The following PPM1F variants were observed in gnomAD, a reference collection of about 807,000 sequenced individuals.
The protein encoded by PPM1F is protein phosphatase 1F.
In PPM1F, 17 loss-of-function variants were observed where a neutral mutation model predicts 35.5. That is an observed-to-expected ratio of 0.48 (90% CI 0.33 to 0.72). The LOEUF (loss-of-function observed/expected upper bound fraction) is 0.72. Ranked by LOEUF, PPM1F falls within the 30% of genes least tolerant of loss-of-function variation. The pLI, the probability that PPM1F is intolerant of heterozygous loss-of-function variation, is 0.02. For missense variants in PPM1F, 521 were observed against 613.0 expected (o/e 0.85, Z 1.59); for synonymous variants, 241 against 255.5 (o/e 0.94, Z 0.54).
At chr22:21,938,127 C>T (rs1315956039) in intron 3 of PPM1F, 3 of 1,301,032 alleles carry the variant, frequency 2.3e-6, no homozygotes, top group East Asian at 1.1e-4. Flanking sequence ...CTAGCTGCGC[C>T]CTCCCTCCTT....
chr22:21,934,245 G>A lies in PPM1F; in HGVS notation c.356-19C>T. ...TCCAGCACTGATGGGCACAATGGAGGGATTGTCAGGGAAGTGCCAACCAAG... is the reference window on the plus strand; with the variant it reads ...TCCAGCACTGATGGGCACAATGGAGAGATTGTCAGGGAAGTGCCAACCAAG... On this transcript the variant is annotated intron_variant, in intron 3 of 7. Transcript: ENST00000263212. 6.5e-7 allele frequency: 1 copy of A among 1,541,632 alleles called. No homozygotes were observed. The highest frequency in any genetic ancestry group is 8.8e-7 in the Non-Finnish European group (1 of 1,136,970).
chr22:21,936,384 T>C (rs2070659222), intron 3 of PPM1F: 1 of 152,140 alleles, frequency 6.6e-6, no homozygotes, highest in South Asian at 2.1e-4. Context: ...CGGACAGCTT[T>C]TTCCTGAAGT....
At chr22:21,950,569 G>A (rs1601795831) in intron 1 of PPM1F, 1 of 152,112 alleles carries the variant, frequency 6.6e-6, no homozygotes, top group East Asian at 1.9e-4. Flanking sequence ...CCTTAGAAAA[G>A]GGAACTGCAC....
chr22:21,938,419 G>A, intron 3 of PPM1F: 2 of 1,158,498 alleles, frequency 1.7e-6, no homozygotes, highest in Non-Finnish European at 2.2e-6. Flanking sequence ...AGGGAATGCG[G>A]GCAGGGAGCC....
At chr22:21,927,946 T>G (rs1247642842) in intron 6 of PPM1F, among the ~76,000 whole-genome samples, 3 of 53,130 alleles carry the variant, frequency 5.6e-5, no homozygotes, top group African/African-American at 1.3e-4. Flanking sequence ...TGTTTTGTTT[T>G]TTTTTTTTTT....
chr22:21,941,048 G>A lies in PPM1F; in HGVS notation c.207-1368C>T, dbSNP rs1260447405. 2 of 152,294 alleles carry A rather than the reference G, an allele frequency of 1.3e-5. 1 individual carries two copies. Among genetic ancestry groups the A allele is most frequent in the African/African-American group, 4.8e-5 (2 of 41,448 alleles). The allele number at this position is 152,294 out of a possible 1,614,324, so 9.4% of individuals were successfully genotyped here. ...AGAGTAGTTAGGGCTACAGGCAGTA[G>A]TTAGGGCTACAGACATCACCATGTC... is the stretch of plus-strand genomic sequence containing the variant. On this transcript the variant is annotated intron_variant, in intron 2 of 7. Transcript: ENST00000263212.
intron 6 of PPM1F, chr22:21,925,914 G>A (rs909787761): frequency 1.4e-5 from 6 of 422,012 alleles, no homozygotes; most frequent in South Asian, 1.3e-4. Context: ...GCCGCCTAGC[G>A]GTGCCTGCGC....
At chr22:21,952,700 G>A (rs2070853875) in intron 1 of PPM1F, 92 bp downstream of exon 1, 2 of 152,632 alleles carry the variant, frequency 1.3e-5, no homozygotes, top group African/African-American at 4.8e-5. Context: ...CGGTTCCTCG[G>A]TCCCATTTCA....
chr22:21,937,952 T>C (rs2070678600), intron 3 of PPM1F: 4 of 566,064 alleles, frequency 7.1e-6, no homozygotes, highest in African/African-American at 2.0e-5. Context: ...GCAATTCTTA[T>C]AATACAATCC....
chr22:21,950,187 C>T (rs971573035), intron 1 of PPM1F: 3 of 152,250 alleles, frequency 2.0e-5, no homozygotes, highest in Middle Eastern at 3.2e-3. Flanking sequence ...TTGGCTCTCT[C>T]ATGGCTCCTC....
Position 21,933,465 on chromosome 22 carries a change from T to C in PPM1F, c.673A>G (p.Thr225Ala). 1.2e-6 allele frequency: 2 copies of C among 1,613,596 alleles called. No individual in the cohort carries two copies. The highest frequency in any genetic ancestry group is 1.7e-6 in the Non-Finnish European group (2 of 1,180,006). Residue 225 changes from threonine (T) to alanine (A), a missense_variant, in exon 5 of 8, where the codon ACA (threonine) becomes GCA (alanine). By Grantham distance (58) the Thr-to-Ala change is moderately conservative (BLOSUM62 0). This residue lies in a region of PPM1F where 311 missense variants were observed against 351.5 expected (regional missense o/e 0.88). Coordinates refer to ENST00000263212, the MANE Select transcript of PPM1F (RefSeq NM_014634.4). ...TCTCTGAGGGCTCCCTCAGGGTCTG[T>C]GGGCAGCTCTGGCTGGCGGGCAGCG... ...TNAARQPELP[T>A]DPEGALREAF... is the part of the protein sequence containing the mutation.
rs774419391 is a variant in PPM1F, at chr22:21,946,063, G to T, written c.-15C>A. 1.3e-6 allele frequency: 2 copies of T among 1,497,736 alleles called. No homozygotes were observed. Among genetic ancestry groups the T allele is most frequent in the Non-Finnish European group, 1.8e-6 (2 of 1,120,914 alleles). The allele number at this position is 1,497,736 out of a possible 1,614,324, so 92.8% of individuals were successfully genotyped here. Reference sequence around the variant, plus strand: ...CCAGAGGACATGCCCAAAGCATCCCGGGGGCCTGCAGCTAGGCCAGGGCAA... The same window carrying T: ...CCAGAGGACATGCCCAAAGCATCCCTGGGGCCTGCAGCTAGGCCAGGGCAA... On this transcript the variant is annotated 5_prime_UTR_variant, in exon 2 of 8. Coordinates refer to ENST00000263212, the MANE Select transcript of PPM1F (RefSeq NM_014634.4).
chr22:21,950,059 A>G (rs1440456620), intron 1 of PPM1F: 1 of 152,332 alleles, frequency 6.6e-6, no homozygotes, highest in Non-Finnish European at 1.5e-5. Context: ...AACTTGCCCA[A>G]AGTCCCAGGG....
chr22:21,927,952 T>TG (rs2070539297), intron 6 of PPM1F, among the ~76,000 whole-genome samples: 4 of 99,892 alleles, frequency 4.0e-5, no homozygotes, highest in African/African-American at 1.5e-4. Flanking sequence ...GTTTTTTTTT[T>TG]TTTTTTTTTT....
Position 21,933,602 on chromosome 22 carries a change from C to T in PPM1F, c.559-23G>A, listed in dbSNP as rs755415720. ...GTCCTGGTGGGGATGTGGTGGGAGT[C>T]ACAGACCCGCGGGACCCAGGGTGCT... On this transcript the variant is annotated intron_variant, in intron 4 of 7. Coordinates refer to ENST00000263212, the MANE Select transcript of PPM1F (RefSeq NM_014634.4). 9 of 1,593,980 alleles carry T rather than the reference C, an allele frequency of 5.6e-6. No individual in the cohort carries two copies. In the South Asian group the frequency reaches 7.8e-5, roughly 14 times the overall value.
intron 3 of PPM1F, chr22:21,936,238 C>G (rs765567790): frequency 1.3e-5 from 2 of 151,120 alleles, no homozygotes; most frequent in Admixed American, 6.6e-5. Context: ...TGTCATGATA[C>G]TAAGTGAAAA....
At chr22:21,948,058 G>T (rs1419301003) in intron 1 of PPM1F, 1 of 152,222 alleles carries the variant, frequency 6.6e-6, no homozygotes, top group African/African-American at 2.4e-5. Context: ...AGGAATAGGG[G>T]TGCTTGCTAC....
chr22:21,920,986 A>G lies in PPM1F; in HGVS notation c.*2106T>C, dbSNP rs2070441181. The stretch of plus-strand genomic sequence containing the variant: ...AATACTTGGTCATTGTTTGTGGCCA[A>G]CCATTCTCTGAATGTCTGAATGACA... On this transcript the variant is annotated 3_prime_UTR_variant, in exon 8 of 8. Coordinates refer to ENST00000263212, the MANE Select transcript of PPM1F (RefSeq NM_014634.4). 6.6e-6 allele frequency: 1 copy of G among 152,254 alleles called. No individual in the cohort carries two copies. The highest frequency in any genetic ancestry group is 2.4e-5 in the African/African-American group (1 of 41,448). The allele number at this position is 152,254 out of a possible 1,614,324, so 9.4% of individuals were successfully genotyped here. A position where few individuals can be genotyped will look rare whatever the true frequency, so the allele number is the denominator to read the frequency against.
chr22:21,926,749 G>C (rs530602634), intron 6 of PPM1F, among the ~76,000 whole-genome samples: 2 of 152,292 alleles, frequency 1.3e-5, no homozygotes, highest in Admixed American at 1.3e-4. Context: ...TTGACCCCAC[G>C]CAGCACCAGC....
Sources: allele counts gnomAD v4.1 joint callset (sites outside exome capture counted in the v4.1 genomes callset), GRCh38; gene constraint gnomAD v4.1.1; regional missense constraint gnomAD v4.1.1; transcripts MANE v1.5; gene names NCBI Gene and HGNC (gene_info 2026-07-23, HGNC 2026-07-21).